RLN2: variants seen among roughly 807,000 people sequenced by gnomAD.
The protein encoded by RLN2 is relaxin 2.
RLN2 carries 10 observed loss-of-function variants against 7.3 expected under a neutral mutation model. The ratio of observed to expected loss-of-function variants is 1.36; its 90% confidence interval spans 0.84 to 2.31. RLN2 has a LOEUF of 2.31. Ranked by LOEUF, RLN2 falls within the 30% of genes most tolerant of loss-of-function variation. The pLI is 0.00. For synonymous variants in RLN2, 103 were observed against 82.3 expected, an observed-to-expected ratio of 1.25 and a Z score of -1.36; for missense variants, 298 against 217.6, an observed-to-expected ratio of 1.37 and a Z score of -2.32.
the RLN2 span, among the ~76,000 whole-genome samples, chr9:5,322,185 T>C: frequency 6.6e-6 from 1 of 151,978 alleles, no homozygotes; most frequent in African/African-American, 2.4e-5. Context: ...TGGGAGCTTC[T>C]CTTTGTGACT....
At chr9:5,329,317 A>AAAAG in the RLN2 span, among the ~76,000 whole-genome samples, 1 of 150,126 alleles carries the variant, frequency 6.7e-6, no homozygotes, top group Non-Finnish European at 1.5e-5. Flanking sequence ...CTCAAAAAAA[A>AAAAG]AAAAAAAAAA....
chr9:5,327,344 GGGCATCCACCATTGCTGA>G, the RLN2 span, among the ~76,000 whole-genome samples: 1 of 151,956 alleles, frequency 6.6e-6, no homozygotes, highest in Admixed American at 6.6e-5. Flanking sequence ...ATGGGGGGAG[GGGCATCCACCATTGCTGA>G]GGCTTGAGTA....
upstream of RLN2, among the ~76,000 whole-genome samples, chr9:5,305,358 AC>A (rs1369669614): frequency 9.4e-6 from 1 of 106,072 alleles, no homozygotes; most frequent in Non-Finnish European, 1.9e-5. Context: ...TGGAGAACAT[AC>A]CACACACACA....
At chr9:5,327,631 G>T in the RLN2 span, among the ~76,000 whole-genome samples, 1 of 152,014 alleles carries the variant, frequency 6.6e-6, no homozygotes, top group Non-Finnish European at 1.5e-5. Context: ...TGTGTAGCCT[G>T]ACTGGGAAAC....
At chr9:5,337,000 A>G in the RLN2 span, among the ~76,000 whole-genome samples, 1 of 151,820 alleles carries the variant, frequency 6.6e-6, no homozygotes. Context: ...AAAACAAAAC[A>G]AAACAAAACA....
At chr9:5,326,988 A>G in the RLN2 span, among the ~76,000 whole-genome samples, 2 of 152,042 alleles carry the variant, frequency 1.3e-5, no homozygotes, top group African/African-American at 4.8e-5. Flanking sequence ...GATGCAGAAG[A>G]CAGGTGATTT....
chr9:5,307,029 G>A (rs1362585721), upstream of RLN2, among the ~76,000 whole-genome samples: 2 of 152,076 alleles, frequency 1.3e-5, 1 homozygote, highest in East Asian at 3.9e-4. Flanking sequence ...AGAAAGGGAG[G>A]TGAAGTAGCC....
At chr9:5,306,731 T>C (rs1190046431), upstream of RLN2, among the ~76,000 whole-genome samples, 1 of 152,080 alleles carries the variant, frequency 6.6e-6, no homozygotes, top group African/African-American at 2.4e-5. Flanking sequence ...CAACGCCCCC[T>C]TTCCTTCATT....
chr9:5,323,731 A>C, the RLN2 span, among the ~76,000 whole-genome samples: 6 of 152,012 alleles, frequency 3.9e-5, no homozygotes, highest in Non-Finnish European at 8.8e-5. Flanking sequence ...TAAATACTAA[A>C]AATATATGCA....
At chr9:5,309,580 G>C (rs867217562), upstream of RLN2, among the ~76,000 whole-genome samples, 5 of 151,882 alleles carry the variant, frequency 3.3e-5, no homozygotes, top group Middle Eastern at 3.4e-3. Flanking sequence ...CTCTTTCTTT[G>C]CTTATTTTCT....
At chr9:5,301,430 C>G (rs1484135693) in intron 1 of RLN2, among the ~76,000 whole-genome samples, 2 of 152,194 alleles carry the variant, frequency 1.3e-5, no homozygotes, top group African/African-American at 4.8e-5. Context: ...GTTTCTTGCT[C>G]TCAAAAAGCT....
the RLN2 span, among the ~76,000 whole-genome samples, chr9:5,317,602 C>T: frequency 6.6e-6 from 1 of 151,312 alleles, no homozygotes; most frequent in Non-Finnish European, 1.5e-5. Context: ...TGTAATCAGT[C>T]AAAAGATGGT....
chr9:5,313,864 G>A, the RLN2 span, among the ~76,000 whole-genome samples: 2 of 151,972 alleles, frequency 1.3e-5, no homozygotes, highest in Non-Finnish European at 2.9e-5. Context: ...TAGAAACTCT[G>A]TAGTGTGCAG....
At chr9:5,330,311 A>G in the RLN2 span, among the ~76,000 whole-genome samples, 7,327 of 152,074 alleles carry the variant, frequency 0.048, 281 homozygotes, top group African/African-American at 0.07. Context: ...AAAGCAGGAG[A>G]GATCTAAAAT....
the RLN2 span, among the ~76,000 whole-genome samples, chr9:5,334,359 G>T: frequency 6.6e-6 from 1 of 151,946 alleles, no homozygotes; most frequent in Admixed American, 6.6e-5. Flanking sequence ...TTTGATGGAG[G>T]AGATTAACTT....
chr9:5,337,809 C>A, the RLN2 span, among the ~76,000 whole-genome samples: 1 of 152,028 alleles, frequency 6.6e-6, no homozygotes, highest in Admixed American at 6.6e-5. Context: ...CATGTCTCTT[C>A]TAAAGAAATA....
the RLN2 span, among the ~76,000 whole-genome samples, chr9:5,318,561 A>G: frequency 6.6e-6 from 1 of 152,000 alleles, no homozygotes; most frequent in Non-Finnish European, 1.5e-5. Context: ...AAGGTCTCTT[A>G]ACATTAATGT....
the RLN2 span, among the ~76,000 whole-genome samples, chr9:5,336,354 G>C: frequency 1.4e-4 from 22 of 152,154 alleles, no homozygotes; most frequent in South Asian, 3.3e-3. Context: ...CAAGGCTGCA[G>C]ATCATGCACT....
At chr9:5,300,550 A>G in intron 1 of RLN2, 106 bp from the exon 2 acceptor site, 1 of 710,274 alleles carries the variant, frequency 1.4e-6, no homozygotes, top group East Asian at 2.7e-5. Context: ...GCCTCAGTAT[A>G]AATTAAACAT....
Sources: gnomAD v4.1 joint callset for allele counts (sites outside exome capture counted in the v4.1 genomes callset) on GRCh38, gnomAD v4.1.1 for gene constraint, MANE v1.5 for transcripts, NCBI Gene and HGNC (gene_info 2026-07-23, HGNC 2026-07-21) for gene names.